Variants in MYH7 observed in about 807,000 individuals in gnomAD.
MYH7 encodes myosin-7.
A neutral mutation model predicts 225.4 loss-of-function variants in MYH7; 129 were observed. That is an observed-to-expected ratio of 0.57 (90% confidence interval 0.50 to 0.66). The LOEUF is 0.66. MYH7 is among the 30% of genes least tolerant of loss of function. MYH7 has a pLI of 0.00. For missense variants in MYH7, 1,649 were observed against 2,517.0 expected (o/e 0.66, Z 7.38); for synonymous variants, 971 against 1,007.6 (o/e 0.96, Z 0.69).
intron 16 of MYH7, 82 bp downstream of exon 16, chr14:23,427,503 G>T: frequency 1.3e-6 from 2 of 1,546,238 alleles, no homozygotes; most frequent in South Asian, 2.3e-5. Context: ...ACATTGAAGT[G>T]GTGGGGTGTA....
chr14:23,424,997 G>A lies in MYH7; in HGVS notation c.2451C>T (p.Asn817=). ...TCTTGACCCCCATGAAGGCCCGAAT[G>A]TTCCACTGGATTACCAGCAGGGAGT... is the stretch of plus-strand genomic sequence containing the variant. ...RRDSLLVIQW[N]IRAFMGVKNW... is the part of the protein sequence containing the mutation. The change falls in exon 22 of 40, where the codon AAC becomes AAT. Residue 817 remains asparagine (N), a synonymous_variant. Coordinates refer to ENST00000355349, the MANE Select transcript of MYH7 (RefSeq NM_000257.4). 2.5e-6 allele frequency: 4 copies of A among 1,614,206 alleles called. No homozygotes were observed. Among genetic ancestry groups the A allele is most frequent in the Middle Eastern group, 1.6e-4 (1 of 6,062 alleles).
intron 39 of MYH7, among the ~76,000 whole-genome samples, chr14:23,413,226 T>C (rs1892044390): frequency 6.6e-6 from 1 of 152,174 alleles, no homozygotes; most frequent in Non-Finnish European, 1.5e-5. Flanking sequence ...TGGTTGTATA[T>C]AAATTAGGGT....
At position 23,417,323 on chromosome 14, in the gene MYH7, C is replaced by T. The variant is rs950409210; in HGVS notation, c.4354-5G>A. ...CTGCTTCCACTCGGCCAGGATCTGC[C>T]CGGGGACAAGGCTCACTCTTCAGCC... On this transcript the variant is annotated splice_region_variant and splice_polypyrimidine_tract_variant and intron_variant, in intron 31 of 39. Coordinates refer to ENST00000355349, the MANE Select transcript of MYH7 (RefSeq NM_000257.4). The T allele has an allele frequency of 6.2e-7, 1 of 1,613,484 alleles. No homozygotes were observed. The highest frequency in any genetic ancestry group is 1.3e-5 in the African/African-American group (1 of 74,924).
chr14:23,416,949 C>G lies in MYH7; in HGVS notation c.4563G>C (p.Lys1521Asn), dbSNP rs1426916207. The change falls in exon 33 of 40, where the codon AAG (lysine) becomes AAC (asparagine). Residue 1521 changes from lysine (K) to asparagine (N), a missense_variant. Lys to Asn is a moderately conservative substitution (Grantham distance 94). Around this residue, in one of 12 missense-constraint regions of MYH7, gnomAD observed 687 missense variants for 913.8 expected, o/e 0.75. Coordinates refer to ENST00000355349, the MANE Select transcript of MYH7 (RefSeq NM_000257.4). ...DLTEQLGSSG[K>N]TIHELEKVRK... ...GGACCTTCTCCAGCTCATGGATAGT[C>G]TTTCCGCTGGAACCCAACTGCTCAG... 1 of 1,614,156 alleles carries G rather than the reference C, an allele frequency of 6.2e-7. No individual in the cohort carries two copies. The highest frequency in any genetic ancestry group is 8.5e-7 in the Non-Finnish European group (1 of 1,180,056).
In MYH7 at chr14:23,425,357, C is replaced by A. The variant is rs397516142; in HGVS notation, c.2348G>T (p.Arg783Leu). The change falls in exon 21 of 40, where the codon CGC becomes CTC. Residue 783 changes from arginine to leucine, a missense_variant. Transcript: ENST00000355349. The surrounding 1 kb of genome is among the most constrained non-coding windows in gnomAD (Gnocchi z 4.6). ...LEEMRDERLSRIITRIQAQSR... is the reference protein window; with the variant it reads ...LEEMRDERLSLIITRIQAQSR... ...CTGGGCCTGGATACGCGTGATGATG[C>A]GGCTCAGCCTCTCGTCCCTCATTTC... 4 of 1,614,132 alleles carry A rather than the reference C, an allele frequency of 2.5e-6. No homozygotes were observed. Among genetic ancestry groups the A allele is most frequent in the Admixed American group, 1.7e-5 (1 of 60,022 alleles).
chr14:23,429,967 G>A, intron 11 of MYH7, 54 bp from the exon 12 acceptor site: 2 of 1,605,214 alleles, frequency 1.2e-6, no homozygotes, highest in Non-Finnish European at 8.5e-7. Flanking sequence ...TGATGGGTAA[G>A]TGAGATCCCT....
In MYH7 at chr14:23,425,716, C is replaced by T. The variant is rs1261783154; in HGVS notation, c.2265G>A (p.Gln755=). The part of the protein sequence containing the change: ...LLSSLDIDHN[Q]YKFGHTKVFF... ...TCACCTTGGTGTGGCCAAACTTGTA[C>T]TGGTTGTGATCAATGTCCAGGGAGC... is the stretch of plus-strand genomic sequence containing the variant. The change falls in exon 20 of 40, where the codon CAG becomes CAA. Residue 755 remains glutamine, a synonymous_variant. Transcript: ENST00000355349. This position sits in a 1 kb window ranked among gnomAD's most constrained non-coding sequence, Gnocchi z 4.6. 3 of 1,613,880 alleles carry T rather than the reference C, an allele frequency of 1.9e-6. No individual in the cohort carries two copies. The highest frequency in any genetic ancestry group is 1.1e-5 in the South Asian group (1 of 91,078).
At chr14:23,430,008 A>G in intron 11 of MYH7, 95 bp from the exon 12 acceptor site, 2 of 1,476,486 alleles carry the variant, frequency 1.4e-6, no homozygotes, top group Non-Finnish European at 1.9e-6. Flanking sequence ...TGTCTCCTTA[A>G]TCCCTGTGGG....
intron 25 of MYH7, chr14:23,421,847 C>CTT: frequency 1.1e-6 from 1 of 876,644 alleles, no homozygotes; most frequent in Non-Finnish European, 1.4e-6. Flanking sequence ...AAGAGGCTCT[C>CTT]ATGTGGAGCC....
chr14:23,425,130 G>C lies in MYH7; in HGVS notation c.2424-106C>G, dbSNP rs1892644360. The C allele has an allele frequency of 1.2e-6, 2 of 1,603,424 alleles. No homozygotes were observed. Among genetic ancestry groups the C allele is most frequent in the Admixed American group, 3.3e-5 (2 of 59,792 alleles). On this transcript the variant is annotated intron_variant, in intron 21 of 39. Coordinates refer to ENST00000355349, the MANE Select transcript of MYH7 (RefSeq NM_000257.4). The surrounding 1 kb of genome is among the most constrained non-coding windows in gnomAD (Gnocchi z 4.6). Reference sequence around the variant, plus strand: ...TTCCTTCATCCCTCCCACCCTTCCTGAGGCCTCTGACCCTGTGACTGCAGT... The same window carrying C: ...TTCCTTCATCCCTCCCACCCTTCCTCAGGCCTCTGACCCTGTGACTGCAGT...
chr14:23,430,546 C>T lies in MYH7; in HGVS notation c.999+14G>A, dbSNP rs1892886000. 6.8e-6 allele frequency: 11 copies of T among 1,606,352 alleles called. No individual in the cohort carries two copies. The highest frequency in any genetic ancestry group is 1.7e-5 in the Admixed American group (1 of 59,846). Reference sequence around the variant, plus strand: ...CAATCCTCCCACCCCCTGGCTGGGTCCTCACACACTCACATCAGTGGCCAT... The same window carrying T: ...CAATCCTCCCACCCCCTGGCTGGGTTCTCACACACTCACATCAGTGGCCAT... On this transcript the variant is annotated intron_variant, in intron 11 of 39. Coordinates refer to ENST00000355349, the MANE Select transcript of MYH7 (RefSeq NM_000257.4).
chr14:23,433,325 A>G lies in MYH7; in HGVS notation c.202-98T>C. On this transcript the variant is annotated intron_variant, in intron 3 of 39. Coordinates refer to ENST00000355349, the MANE Select transcript of MYH7 (RefSeq NM_000257.4). The surrounding 1 kb of genome is among the most constrained non-coding windows in gnomAD (Gnocchi z 4.1). ...GTGAGTGACAGGGCAATAGTGCTCA[A>G]GAGAGAAGGAACCAGGATCTCACAG... 10 of 1,565,622 alleles carry G rather than the reference A, an allele frequency of 6.4e-6. No individual in the cohort carries two copies. In the South Asian group the frequency reaches 1.1e-4, roughly 18 times the overall value.
chr14:23,417,372 G>C, intron 31 of MYH7, 54 bp from the exon 32 acceptor site: 1 of 1,612,038 alleles, frequency 6.2e-7, no homozygotes, highest in African/African-American at 1.3e-5. Context: ...CCCATGTCCA[G>C]GGTCTGTCTC....
At chr14:23,413,727 G>C in intron 39 of MYH7, 32 bp downstream of exon 39, 1 of 1,612,920 alleles carries the variant, frequency 6.2e-7, no homozygotes, top group Non-Finnish European at 8.5e-7. Flanking sequence ...CTGCTGTGGG[G>C]GTGACTAGCA....
rs1395819260 is a variant in MYH7, at chr14:23,424,164, C to A, written c.2680-15G>T. 2.5e-6 allele frequency: 4 copies of A among 1,614,030 alleles called. No individual in the cohort carries two copies. The East Asian group carries it at 8.9e-5, about 36-fold the overall frequency. On this transcript the variant is annotated splice_polypyrimidine_tract_variant and intron_variant, in intron 22 of 39. Coordinates refer to ENST00000355349, the MANE Select transcript of MYH7 (RefSeq NM_000257.4). ...TTGTCTTGTTCCTGAAGGTGAGGAACAGAGGGGAGGCTGTTCAGGGGGTAA... is the reference window on the plus strand; with the variant it reads ...TTGTCTTGTTCCTGAAGGTGAGGAAAAGAGGGGAGGCTGTTCAGGGGGTAA...
Position 23,425,527 on chromosome 14 carries a change from G to C in MYH7, c.2287-109C>G. ...GCCTAGAAAAGGATTGCAGGGAGGA[G>C]GTCAATGGCAGCTGGAGCTGGGATG... is the stretch of plus-strand genomic sequence containing the variant. On this transcript the variant is annotated intron_variant, in intron 20 of 39. Transcript: ENST00000355349. This position sits in a 1 kb window ranked among gnomAD's most constrained non-coding sequence, Gnocchi z 4.6. 6.3e-7 allele frequency: 1 copy of C among 1,588,532 alleles called. No homozygotes were observed. Among genetic ancestry groups the C allele is most frequent in the Non-Finnish European group, 8.6e-7 (1 of 1,165,078 alleles).
Position 23,417,379 on chromosome 14 carries a change from T to A in MYH7, c.4354-61A>T, listed in dbSNP as rs559916092. 1,737 of 1,611,830 alleles carry A rather than the reference T, an allele frequency of 1.1e-3. 17 individuals are homozygous for A. In the African/African-American group the frequency reaches 0.018, roughly 17 times the overall value. On this transcript the variant is annotated intron_variant, in intron 31 of 39. Transcript: ENST00000355349. The stretch of plus-strand genomic sequence containing the variant: ...GCCTCAGCCCCATGTCCAGGGTCTG[T>A]CTCAGGACCTGCCTGGGCTCAGCCC...
chr14:23,417,873 C>A, intron 30 of MYH7, 187 bp from the exon 31 acceptor site: 1 of 943,798 alleles, frequency 1.1e-6, no homozygotes, highest in South Asian at 1.3e-5. Context: ...GAGACCCAGG[C>A]ACCCTCTGAC....
chr14:23,421,817 A>G, intron 25 of MYH7: 1 of 984,178 alleles, frequency 1.0e-6, no homozygotes, highest in Non-Finnish European at 1.2e-6. Flanking sequence ...CTCTGTGAAA[A>G]GCCACAAAGG....
Sources: allele counts gnomAD v4.1 joint callset (sites outside exome capture counted in the v4.1 genomes callset), GRCh38; gene constraint gnomAD v4.1.1; regional missense constraint gnomAD v4.1.1; non-coding constraint Gnocchi (gnomAD v3.1); transcripts MANE v1.5; gene names NCBI Gene and HGNC (gene_info 2026-07-23, HGNC 2026-07-21).